Variants in CDK12 observed in about 807,000 individuals in gnomAD.
CDK12 encodes the protein cyclin dependent kinase 12.
In CDK12, 17 loss-of-function variants were observed where a neutral mutation model predicts 133.8. The ratio of observed to expected loss-of-function variants is 0.13; its 90% CI spans 0.09 to 0.19. The LOEUF (loss-of-function observed/expected upper bound fraction) is 0.19, where lower values mean the gene tolerates loss of function less well. CDK12 is among the 10% of genes least tolerant of loss of function. The pLI is 1.00. For missense variants in CDK12, 1,508 were observed against 1,818.7 expected (o/e 0.83, Z 3.11); for synonymous variants, 694 against 683.6 (o/e 1.02, Z -0.24).
upstream of CDK12, among the ~76,000 whole-genome samples, chr17:39,544,645 T>C (rs1221666648): frequency 6.1e-5 from 9 of 146,974 alleles, no homozygotes; most frequent in Admixed American, 6.1e-4. Flanking sequence ...TTTTTTTTTT[T>C]TTTTATGGAG....
Position 39,465,171 on chromosome 17 carries a change from G to A in CDK12, c.1046+2054G>A, listed in dbSNP as rs537760997. On this transcript the variant is annotated intron_variant, in intron 1 of 13. Transcript: ENST00000447079. ...TGAGGCAGGAGAATCAGTTGAGCCC[G>A]GGAGGCAGAGGTTGCAGTGAGCTGA... is the stretch of plus-strand genomic sequence containing the variant. Among the ~76,000 whole-genome samples, 26 of 151,170 alleles carry A rather than the reference G, an allele frequency of 1.7e-4. No individual in the cohort carries two copies. The South Asian group carries it at 2.1e-3, about 12-fold the overall frequency.
chr17:39,555,162 T>C (rs2056105614), intron 2 of CDK12, among the ~76,000 whole-genome samples: 1 of 151,312 alleles, frequency 6.6e-6, no homozygotes, highest in Admixed American at 6.6e-5. Context: ...GGGGAATCAC[T>C]TGAACCCGGG....
At position 39,471,461 on chromosome 17, in the gene CDK12, C is replaced by T. The variant is rs201618783; in HGVS notation, c.1629C>T (p.Thr543=). ...ASPPPPLPTT[T]PPPQTPPLPP... ...CCCCACCCCCTCTACCAACTACTACCCCTCCACCTCAGACACCCCCTTTGC... is the reference window on the plus strand; with the variant it reads ...CCCCACCCCCTCTACCAACTACTACTCCTCCACCTCAGACACCCCCTTTGC... The change falls in exon 2 of 14, where the codon ACC becomes ACT. Residue 543 remains threonine, a synonymous_variant. Transcript: ENST00000447079. 1.2e-6 allele frequency: 2 copies of T among 1,613,154 alleles called. No individual in the cohort carries two copies. The highest frequency in any genetic ancestry group is 1.7e-6 in the Non-Finnish European group (2 of 1,179,608).
chr17:39,481,782 A>G (rs1597985067), intron 2 of CDK12, among the ~76,000 whole-genome samples: 1 of 148,216 alleles, frequency 6.7e-6, no homozygotes, highest in Admixed American at 6.8e-5. Context: ...CTGCGATGGC[A>G]CTATCTCGGC....
chr17:39,531,313 C>T lies in CDK12; in HGVS notation c.4470C>T (p.Tyr1490=), dbSNP rs2054834083. 5.4e-6 allele frequency: 8 copies of T among 1,483,188 alleles called. No homozygotes were observed. The East Asian group carries it at 1.2e-4, about 22-fold the overall frequency. The allele number at this position is 1,483,188 out of a possible 1,614,324, so 91.9% of individuals were successfully genotyped here. Residue 1490 remains tyrosine, a synonymous_variant, in exon 14 of 14, where the codon TAC becomes TAT. Transcript: ENST00000447079. ...GGGGAAGAGGGAGAGGAGTTCCTTA[C>T]TAACCCAGAGACTTCAGTGTCCTGA... ...PRGGRGRGVP[Y]
At chr17:39,496,527 C>A (rs1039622133) in intron 5 of CDK12, among the ~76,000 whole-genome samples, 3 of 152,014 alleles carry the variant, frequency 2.0e-5, no homozygotes, top group African/African-American at 7.2e-5. Flanking sequence ...TGGTGAAACC[C>A]TATCTCTACT....
chr17:39,514,751 A>G (rs997611582), intron 8 of CDK12, among the ~76,000 whole-genome samples: 10 of 152,210 alleles, frequency 6.6e-5, no homozygotes, highest in Non-Finnish European at 1.3e-4. Context: ...ATTTTATTGA[A>G]GTATAAAATA....
intron 1 of CDK12, among the ~76,000 whole-genome samples, chr17:39,463,736 G>A (rs1244064553): frequency 6.6e-6 from 1 of 151,662 alleles, no homozygotes; most frequent in African/African-American, 2.4e-5. Flanking sequence ...AGGACAATTT[G>A]GTTTTCTTTA....
In CDK12 at chr17:39,461,993, G is replaced by T; in HGVS notation, c.-79G>T. The T allele has an allele frequency of 8.6e-7, 1 of 1,166,356 alleles. No homozygotes were observed. The highest frequency in any genetic ancestry group is 1.6e-5 in the African/African-American group (1 of 64,508). 72.3% of individuals were successfully genotyped at this position (1,166,356 alleles called of 1,614,324 possible). A position where few individuals can be genotyped will look rare whatever the true frequency, so the allele number is the denominator to read the frequency against. Reference sequence around the variant, plus strand: ...GGGGCGCTTTGGTGGGCGTGGAGTTGGGGTTGGGGGGGTGGGTGGGGGTTG... The same window carrying T: ...GGGGCGCTTTGGTGGGCGTGGAGTTTGGGTTGGGGGGGTGGGTGGGGGTTG... On this transcript the variant is annotated 5_prime_UTR_variant, in exon 1 of 14. Transcript: ENST00000447079.
intron 11 of CDK12, 125 bp from the exon 12 acceptor site, chr17:39,524,549 A>G: frequency 1.3e-6 from 1 of 787,618 alleles, no homozygotes; most frequent in East Asian, 2.7e-5. Flanking sequence ...TTTTTTGGTT[A>G]TTTTTGTTTT....
chr17:39,530,383 C>T, intron 13 of CDK12: 1 of 526,598 alleles, frequency 1.9e-6, no homozygotes, highest in Non-Finnish European at 3.1e-6. Flanking sequence ...TCATTTGAAA[C>T]ATATGATATT....
At chr17:39,516,130 A>T (rs1351949556) in intron 9 of CDK12, among the ~76,000 whole-genome samples, 1 of 152,220 alleles carries the variant, frequency 6.6e-6, no homozygotes, top group Non-Finnish European at 1.5e-5. Flanking sequence ...CCTGTTATAC[A>T]ACAGATTACT....
Position 39,533,046 on chromosome 17 carries a change from T to C in CDK12, c.*1730T>C, listed in dbSNP as rs1035006715. On this transcript the variant is annotated 3_prime_UTR_variant, in exon 14 of 14. Coordinates refer to ENST00000447079, the MANE Select transcript of CDK12 (RefSeq NM_016507.4). The stretch of plus-strand genomic sequence containing the variant: ...CAAGTTCTTATTTTAAAAAATAAAA[T>C]CTACTTATAAGAGAAAGGTGCATTA... The C allele has an allele frequency of 1.7e-5, 4 of 229,846 alleles. No homozygotes were observed. Among genetic ancestry groups the C allele is most frequent in the Non-Finnish European group, 3.4e-5 (4 of 117,010 alleles). The allele number at this position is 229,846 out of a possible 1,614,324, so 14.2% of individuals were successfully genotyped here.
At chr17:39,464,268 T>A (rs1362554552) in intron 1 of CDK12, among the ~76,000 whole-genome samples, 1 of 152,022 alleles carries the variant, frequency 6.6e-6, no homozygotes, top group Non-Finnish European at 1.5e-5. Flanking sequence ...TTGCCTAGGC[T>A]GGAGTGCAGT....
At chr17:39,475,670 C>G (rs762800996) in intron 2 of CDK12, among the ~76,000 whole-genome samples, 30 of 151,008 alleles carry the variant, frequency 2.0e-4, no homozygotes, top group Non-Finnish European at 4.1e-4. Context: ...CTTAGCCTCC[C>G]GAGTGGCTAG....
chr17:39,477,518 G>A (rs1159650573), intron 2 of CDK12, among the ~76,000 whole-genome samples: 7 of 151,468 alleles, frequency 4.6e-5, no homozygotes, highest in South Asian at 4.2e-4. Flanking sequence ...GATTACAGAC[G>A]TGAGCCACTG....
At chr17:39,515,619 G>A in intron 8 of CDK12, 112 bp from the exon 9 acceptor site, 1 of 630,480 alleles carries the variant, frequency 1.6e-6, no homozygotes, top group Non-Finnish European at 2.8e-6. Context: ...TGAAATTTGG[G>A]GCTATTTATC....
At chr17:39,499,311 G>A (rs1432833529) in intron 5 of CDK12, among the ~76,000 whole-genome samples, 4 of 148,942 alleles carry the variant, frequency 2.7e-5, no homozygotes, top group Admixed American at 6.8e-5. Flanking sequence ...GGGTTCAAGC[G>A]ATTGTCATGC....
intron 12 of CDK12, 116 bp downstream of exon 12, chr17:39,525,001 AT>A: frequency 1.3e-6 from 1 of 782,384 alleles, no homozygotes; most frequent in Non-Finnish European, 2.0e-6. Context: ...CCAGTGAACC[AT>A]TAGGAAAGAG....
Sources: gnomAD v4.1 joint callset for allele counts (sites outside exome capture counted in the v4.1 genomes callset) on GRCh38, gnomAD v4.1.1 for gene constraint, MANE v1.5 for transcripts, NCBI Gene and HGNC (gene_info 2026-07-23, HGNC 2026-07-21) for gene names.